The following ARSB variants were observed in gnomAD, a reference collection of about 807,000 sequenced individuals.
ARSB encodes the protein arylsulfatase B.
In ARSB, 41 loss-of-function variants were observed where a neutral mutation model predicts 50.9. The ratio of observed to expected loss-of-function variants is 0.81; its 90% CI spans 0.63 to 1.04. The LOEUF is 1.04. Ranked by LOEUF, ARSB falls within the 50% of genes least tolerant of loss-of-function variation. The probability of loss-of-function intolerance (pLI) is 0.00; values close to 1 mark genes in which losing one functional copy is unlikely to be tolerated. For synonymous variants in ARSB, 269 were observed against 284.8 expected, an observed-to-expected ratio of 0.94 and a Z score of 0.56; for missense variants, 672 against 693.3, an observed-to-expected ratio of 0.97 and a Z score of 0.35.
chr5:78,826,334 C>A (rs552676478), intron 6 of ARSB, among the ~76,000 whole-genome samples: 1 of 152,258 alleles, frequency 6.6e-6, no homozygotes, highest in East Asian at 1.9e-4. Flanking sequence ...CATGAGCCAC[C>A]ATGCCTGGCC....
rs939442522 is a variant in ARSB, at chr5:78,848,048, T to A, written c.1143-8622A>T. Among the ~76,000 whole-genome samples the A allele has an allele frequency of 4.0e-5, 6 of 151,058 alleles. No homozygotes were observed. In the South Asian group the frequency reaches 6.2e-4, roughly 16 times the overall value. The stretch of plus-strand genomic sequence containing the variant: ...TTTGTATTATTTTTTAGCGTGAATT[T>A]TTTTATTTTATTATTATTATTATTT... On this transcript the variant is annotated intron_variant, in intron 5 of 7. Transcript: ENST00000264914.
At chr5:78,817,554 C>T (rs1022512410) in intron 6 of ARSB, among the ~76,000 whole-genome samples, 15 of 152,062 alleles carry the variant, frequency 9.9e-5, no homozygotes, top group Non-Finnish European at 2.9e-5. Context: ...CACACCTGTA[C>T]TCCCAGCACT....
intron 5 of ARSB, among the ~76,000 whole-genome samples, chr5:78,840,764 C>G (rs4703765): frequency 6.8e-6 from 1 of 147,436 alleles, no homozygotes; most frequent in South Asian, 2.2e-4. Flanking sequence ...GGGACAGCAG[C>G]GGCAGCACTG....
chr5:78,869,841 C>A (rs1386578653), intron 5 of ARSB, among the ~76,000 whole-genome samples: 1 of 147,368 alleles, frequency 6.8e-6, no homozygotes, highest in East Asian at 2.0e-4. Context: ...AATAGAGACA[C>A]AAAAAACCCT....
chr5:78,788,604 A>AT (rs1189511934), intron 6 of ARSB, among the ~76,000 whole-genome samples: 1 of 151,952 alleles, frequency 6.6e-6, no homozygotes, highest in African/African-American at 2.4e-5. Flanking sequence ...TTATTTTTTT[A>AT]TTTTTTGAGA....
intron 1 of ARSB, 130 bp downstream of exon 1, chr5:78,984,807 G>A: frequency 1.5e-6 from 1 of 674,528 alleles, no homozygotes; most frequent in Non-Finnish European, 2.0e-6. Context: ...GAAGCCGCCG[G>A]GACCCATAAC....
At chr5:78,874,044 CAT>C (rs1198916798) in intron 5 of ARSB, among the ~76,000 whole-genome samples, 3 of 152,104 alleles carry the variant, frequency 2.0e-5, no homozygotes, top group Non-Finnish European at 4.4e-5. Flanking sequence ...TCAACAGTAA[CAT>C]AGAAAACAAG....
chr5:78,890,895 G>A (rs1249270939), intron 4 of ARSB, among the ~76,000 whole-genome samples: 1 of 152,158 alleles, frequency 6.6e-6, no homozygotes, highest in East Asian at 1.9e-4. Flanking sequence ...CATATCTTCT[G>A]TGAACCTGCC....
At chr5:78,883,774 ACTT>A (rs1240134237) in intron 5 of ARSB, 2 of 152,294 alleles carry the variant, frequency 1.3e-5, no homozygotes, top group African/African-American at 4.8e-5. Flanking sequence ...CTGGCTGAAC[ACTT>A]CTTCTATCCA....
chr5:78,916,943 T>C (rs555335582), intron 4 of ARSB, among the ~76,000 whole-genome samples: 2 of 152,360 alleles, frequency 1.3e-5, no homozygotes, highest in African/African-American at 2.4e-5. Flanking sequence ...AGCTGAATTC[T>C]GGTGAAGGAG....
chr5:78,889,046 G>A (rs1748164489), intron 4 of ARSB, among the ~76,000 whole-genome samples: 2 of 152,338 alleles, frequency 1.3e-5, no homozygotes, highest in Admixed American at 1.3e-4. Flanking sequence ...CCCACAGATG[G>A]CACCTGGCCG....
intron 4 of ARSB, among the ~76,000 whole-genome samples, chr5:78,922,038 G>T (rs528453985): frequency 1.3e-5 from 2 of 152,238 alleles, no homozygotes; most frequent in Non-Finnish European, 2.9e-5. Context: ...GGCCAGAGGG[G>T]ATCAACAATC....
intron 6 of ARSB, among the ~76,000 whole-genome samples, chr5:78,824,394 G>A (rs1300944749): frequency 6.6e-6 from 1 of 152,078 alleles, no homozygotes; most frequent in Non-Finnish European, 1.5e-5. Context: ...TTCAAATTGG[G>A]TGAAAGTCCT....
intron 5 of ARSB, among the ~76,000 whole-genome samples, chr5:78,875,329 C>T (rs2112170990): frequency 6.6e-6 from 1 of 152,222 alleles, no homozygotes; most frequent in East Asian, 1.9e-4. Flanking sequence ...AATGAAAGAA[C>T]TCAAACATAA....
rs1302294029 is a variant in ARSB, at chr5:78,969,145, G to GC, written c.359dup (p.Ser120ArgfsTer7). 1 of 1,614,178 alleles carries GC rather than the reference G, an allele frequency of 6.2e-7. No homozygotes were observed. The highest frequency in any genetic ancestry group is 1.7e-5 in the Admixed American group (1 of 60,034). On this transcript the variant is annotated frameshift_variant, in exon 2 of 8. Coordinates refer to ENST00000264914, the MANE Select transcript of ARSB (RefSeq NM_000046.5). LOFTEE classifies it high-confidence loss of function. ...GGAGTTTTTCATCCAGAGGAACACA[G>GC]CTGGGCTGACAGGGCCAGATTATTT... is the stretch of plus-strand genomic sequence containing the variant.
At chr5:78,967,289 T>A (rs918234947) in intron 2 of ARSB, among the ~76,000 whole-genome samples, 2 of 152,236 alleles carry the variant, frequency 1.3e-5, no homozygotes, top group African/African-American at 2.4e-5. Context: ...AAAATGCTTT[T>A]GCTTTTCCTG....
intron 1 of ARSB, among the ~76,000 whole-genome samples, chr5:78,972,423 C>T (rs1001491352): frequency 6.6e-6 from 1 of 151,906 alleles, no homozygotes. Flanking sequence ...GAATGTGCCA[C>T]CTCTTTCCAG....
intron 5 of ARSB, among the ~76,000 whole-genome samples, chr5:78,850,229 T>C (rs1261325003): frequency 6.6e-6 from 1 of 152,270 alleles, no homozygotes; most frequent in Non-Finnish European, 1.5e-5. Flanking sequence ...TTGAGATACG[T>C]CCCATCAATA....
intron 6 of ARSB, among the ~76,000 whole-genome samples, chr5:78,813,689 C>G (rs963462772): frequency 6.6e-6 from 1 of 151,844 alleles, no homozygotes; most frequent in African/African-American, 2.4e-5. Context: ...CCAGGGAGCT[C>G]AAGGCTGCAG....
Sources: allele counts gnomAD v4.1 joint callset (sites outside exome capture counted in the v4.1 genomes callset), GRCh38; gene constraint gnomAD v4.1.1; transcripts MANE v1.5; gene names NCBI Gene and HGNC (gene_info 2026-07-23, HGNC 2026-07-21).